Variants in EYS observed in about 807,000 individuals in gnomAD.
The protein encoded by EYS is protein eyes shut homolog.
A neutral mutation model predicts 282.1 loss-of-function variants in EYS; 250 were observed. The ratio of observed to expected loss-of-function variants is 0.89; its 90% CI spans 0.80 to 0.98. EYS has a LOEUF of 0.98. EYS is among the 50% of genes least tolerant of loss of function. The pLI, the probability that EYS is intolerant of heterozygous loss-of-function variation, is 0.00. For missense variants in EYS, 4,016 were observed against 3,709.0 expected, an observed-to-expected ratio of 1.08 and a Z score of -2.15; for synonymous variants, 1,355 against 1,282.9, an observed-to-expected ratio of 1.06 and a Z score of -1.20.
chr6:65,282,482 T>A (rs1403729893), intron 12 of EYS, among the ~76,000 whole-genome samples: 2 of 151,958 alleles, frequency 1.3e-5, no homozygotes, highest in Non-Finnish European at 2.9e-5. Context: ...GTTTTAAAAG[T>A]AAAACAAAAA....
intron 11 of EYS, among the ~76,000 whole-genome samples, chr6:65,313,014 C>A (rs1182631110): frequency 7.2e-5 from 11 of 152,104 alleles, no homozygotes; most frequent in Admixed American, 6.5e-4. Flanking sequence ...TAGTAGAGAT[C>A]CCCTACTGTT....
intron 7 of EYS, among the ~76,000 whole-genome samples, chr6:65,402,160 T>C (rs1214986172): frequency 6.6e-6 from 1 of 151,560 alleles, no homozygotes; most frequent in Non-Finnish European, 1.5e-5. Context: ...TATGGAGACA[T>C]ATCTCTCTCT....
chr6:65,072,484 T>G (rs919594296), intron 12 of EYS, among the ~76,000 whole-genome samples: 10 of 151,772 alleles, frequency 6.6e-5, no homozygotes, highest in Non-Finnish European at 1.3e-4. Flanking sequence ...CAAAAGAAAT[T>G]ATCAAAATCA....
chr6:64,408,565 G>A (rs1270279703), intron 28 of EYS, among the ~76,000 whole-genome samples: 2 of 152,052 alleles, frequency 1.3e-5, no homozygotes, highest in Admixed American at 1.3e-4. Flanking sequence ...CCCAACACAG[G>A]GTATTCTCCT....
chr6:65,447,354 GTA>G (rs1768709901), intron 5 of EYS, among the ~76,000 whole-genome samples: 1 of 138,678 alleles, frequency 7.2e-6, no homozygotes, highest in Non-Finnish European at 1.6e-5. Flanking sequence ...ATAAATATAT[GTA>G]TATAGTTATA....
In EYS at chr6:64,860,615, G is replaced by T. The variant is rs538594561; in HGVS notation, c.2992+26082C>A. Among the ~76,000 whole-genome samples, 6 of 152,318 alleles carry T rather than the reference G, an allele frequency of 3.9e-5. No individual in the cohort carries two copies. The East Asian group carries it at 1.2e-3, about 29-fold the overall frequency. On this transcript the variant is annotated intron_variant, in intron 19 of 42. Transcript: ENST00000503581. ...GGGTGTTGCAGCCCTAGCTTGGGGA[G>T]CTCCTAGGTCCGGGCTCCCTGAAGG...
chr6:63,957,344 C>T lies in EYS; in HGVS notation c.7055+27039G>A, dbSNP rs189307398. ...CAAGGCAGAGTGCAACCTTGTTTGG[C>T]CTCAGCTCAGAGCTTGCTTCTCAAG... On this transcript the variant is annotated intron_variant, in intron 35 of 42. Coordinates refer to ENST00000503581, the MANE Select transcript of EYS (RefSeq NM_001142800.2). Among the ~76,000 whole-genome samples the T allele has an allele frequency of 2.6e-4, 36 of 140,868 alleles. 6 individuals carry two copies. Among genetic ancestry groups the T allele is most frequent in the East Asian group, 1.8e-3 (9 of 4,912 alleles). The allele number at this position is 140,868 out of a possible 152,430, so 92.4% of individuals were successfully genotyped here.
At chr6:65,318,782 C>T (rs1312738933) in intron 11 of EYS, among the ~76,000 whole-genome samples, 8 of 150,702 alleles carry the variant, frequency 5.3e-5, no homozygotes, top group Non-Finnish European at 1.0e-4. Context: ...GCTGGGACAA[C>T]AGGCATGTGC....
At position 65,504,686 on chromosome 6, in the gene EYS, G is replaced by A. The variant is rs9453312; in HGVS notation, c.-332-8693C>T. On this transcript the variant is annotated intron_variant, in intron 2 of 42. Coordinates refer to ENST00000503581, the MANE Select transcript of EYS (RefSeq NM_001142800.2). Reference sequence around the variant, plus strand: ...ATTTTTCCTTTAGAGTATCGATATGGTAGATTACAATGATTAATTTTAAAA... The same window carrying A: ...ATTTTTCCTTTAGAGTATCGATATGATAGATTACAATGATTAATTTTAAAA... Among the ~76,000 whole-genome samples, 512 of 151,332 alleles carry A rather than the reference G, an allele frequency of 3.4e-3. 4 individuals are homozygous for A. Among genetic ancestry groups the A allele is most frequent in the African/African-American group, 0.012 (500 of 41,398 alleles).
At chr6:64,251,338 T>C (rs1166863573) in intron 30 of EYS, among the ~76,000 whole-genome samples, 1 of 152,114 alleles carries the variant, frequency 6.6e-6, no homozygotes, top group Non-Finnish European at 1.5e-5. Flanking sequence ...ACTAGAACTA[T>C]TTCAGGTGAG....
At chr6:63,919,611 G>A (rs1054001417) in intron 35 of EYS, among the ~76,000 whole-genome samples, 2 of 152,204 alleles carry the variant, frequency 1.3e-5, no homozygotes, top group African/African-American at 4.8e-5. Flanking sequence ...TCTTCTGGGG[G>A]ACTGGGGGAA....
intron 19 of EYS, among the ~76,000 whole-genome samples, chr6:64,829,646 T>C (rs1765157192): frequency 6.6e-6 from 1 of 151,974 alleles, no homozygotes; most frequent in African/African-American, 2.4e-5. Context: ...CTACTAGGTG[T>C]AACTGAGGTG....
chr6:63,802,321 G>C (rs146467517), intron 37 of EYS, among the ~76,000 whole-genome samples: 2 of 151,996 alleles, frequency 1.3e-5, no homozygotes, highest in Admixed American at 1.3e-4. Context: ...AGAGGAGGGA[G>C]AGCATTAGGA....
intron 19 of EYS, 38 bp downstream of exon 19, chr6:64,886,659 G>A (rs1767094196): frequency 6.8e-7 from 1 of 1,471,820 alleles, no homozygotes; most frequent in Non-Finnish European, 9.0e-7. Flanking sequence ...CTTGCAGACA[G>A]AAATATGTTG....
intron 15 of EYS, among the ~76,000 whole-genome samples, chr6:64,930,923 C>T (rs1768699625): frequency 6.6e-6 from 1 of 152,134 alleles, no homozygotes; most frequent in Admixed American, 6.6e-5. Flanking sequence ...AAGCTGTTGA[C>T]TCTGCTTTGG....
intron 26 of EYS, among the ~76,000 whole-genome samples, chr6:64,511,716 C>T (rs9362922): frequency 0.26 from 39,238 of 151,780 alleles, 5,548 homozygotes; most frequent in East Asian, 0.36. Context: ...AGGCATATAC[C>T]GTGGATGGCT....
At chr6:64,443,649 G>A (rs1488074408) in intron 26 of EYS, among the ~76,000 whole-genome samples, 1 of 152,080 alleles carries the variant, frequency 6.6e-6, no homozygotes, top group African/African-American at 2.4e-5. Context: ...ATTATGAATG[G>A]TTCTTCCAAG....
At chr6:64,969,999 G>C (rs1199199046) in intron 14 of EYS, among the ~76,000 whole-genome samples, 3 of 152,038 alleles carry the variant, frequency 2.0e-5, no homozygotes, top group Non-Finnish European at 2.9e-5. Flanking sequence ...TAATAAGAAT[G>C]TAATACAGTT....
intron 15 of EYS, among the ~76,000 whole-genome samples, chr6:64,929,979 T>A (rs1169212764): frequency 6.6e-6 from 1 of 152,144 alleles, no homozygotes; most frequent in East Asian, 1.9e-4. Context: ...AAAATCTGAC[T>A]AAGAGATTTG....
Sources: gnomAD v4.1 joint callset for allele counts (sites outside exome capture counted in the v4.1 genomes callset) on GRCh38, gnomAD v4.1.1 for gene constraint, MANE v1.5 for transcripts, NCBI Gene and HGNC (gene_info 2026-07-23, HGNC 2026-07-21) for gene names.